CCDC85A: variants seen among roughly 807,000 people sequenced by gnomAD.
CCDC85A encodes the protein coiled-coil domain containing 85A.
Under a neutral mutation model 50.2 loss-of-function variants are expected in CCDC85A, and 38 were observed. The observed-to-expected ratio is 0.76, with a 90% CI of 0.58 to 0.99. The LOEUF (loss-of-function observed/expected upper bound fraction) is 0.99, where lower values mean the gene tolerates loss of function less well. Among genes scored for constraint, CCDC85A ranks in the 50% least tolerant of loss-of-function variants. The probability of loss-of-function intolerance (pLI) is 0.00; values close to 1 mark genes in which losing one functional copy is unlikely to be tolerated. For synonymous variants in CCDC85A, 366 were observed against 301.4 expected (o/e 1.21, Z -2.22); for missense variants, 820 against 742.0 (o/e 1.11, Z -1.22).
intron 2 of CCDC85A, among the ~76,000 whole-genome samples, chr2:56,244,351 C>G (rs1247509947): frequency 6.6e-6 from 1 of 152,096 alleles, no homozygotes; most frequent in Non-Finnish European, 1.5e-5. Context: ...ACCACCACTG[C>G]AGGCCCGTGG....
chr2:56,342,841 C>A (rs1429434939), intron 2 of CCDC85A, 38 bp from the exon 3 acceptor site: 1 of 1,351,098 alleles, frequency 7.4e-7, no homozygotes. Context: ...CAAACAAGAC[C>A]TGTGTGTATA....
At chr2:56,321,905 A>C (rs1052823194) in intron 2 of CCDC85A, among the ~76,000 whole-genome samples, 2 of 152,240 alleles carry the variant, frequency 1.3e-5, no homozygotes, top group Admixed American at 1.3e-4. Context: ...CTACAAGGCT[A>C]CAGTAACCAA....
intron 2 of CCDC85A, among the ~76,000 whole-genome samples, chr2:56,225,016 A>G (rs1573052969): frequency 6.6e-6 from 1 of 152,152 alleles, no homozygotes; most frequent in East Asian, 1.9e-4. Flanking sequence ...TTATGAAGAT[A>G]TATACCTATT....
At position 56,192,426 on chromosome 2, in the gene CCDC85A, C is replaced by T. The variant is rs1676337074; in HGVS notation, c.277-51C>T. On this transcript the variant is annotated intron_variant, in intron 1 of 5. Transcript: ENST00000407595. This position sits in a 1 kb window ranked among gnomAD's most constrained non-coding sequence, Gnocchi z 4.7. ...TCCCTTTCCAGGAAGTCTGAGCCTG[C>T]TGACACCTCAGATGTGTACTTCCCT... 6.5e-7 allele frequency: 1 copy of T among 1,541,238 alleles called. No individual in the cohort carries two copies. The highest frequency in any genetic ancestry group is 8.7e-7 in the Non-Finnish European group (1 of 1,143,928).
chr2:56,367,677 A>G (rs1439657674), intron 3 of CCDC85A, among the ~76,000 whole-genome samples: 1 of 152,154 alleles, frequency 6.6e-6, no homozygotes, highest in Non-Finnish European at 1.5e-5. Flanking sequence ...ATTTTTGCCA[A>G]ATGTTTTCTC....
At chr2:56,356,090 G>T (rs1046857229) in intron 3 of CCDC85A, among the ~76,000 whole-genome samples, 2 of 152,112 alleles carry the variant, frequency 1.3e-5, no homozygotes, top group Non-Finnish European at 2.9e-5. Flanking sequence ...TATAACTACA[G>T]AAATCTCATA....
chr2:56,268,127 T>C (rs1287361723), intron 2 of CCDC85A, among the ~76,000 whole-genome samples: 1 of 152,176 alleles, frequency 6.6e-6, no homozygotes, highest in Non-Finnish European at 1.5e-5. Flanking sequence ...TTACATGAGG[T>C]GTTCAGTTAA....
chr2:56,279,770 A>T (rs552018526), intron 2 of CCDC85A, among the ~76,000 whole-genome samples: 1 of 152,344 alleles, frequency 6.6e-6, no homozygotes, highest in East Asian at 1.9e-4. Context: ...AATAAAAAGA[A>T]TGAAATCTTT....
At chr2:56,188,514 G>T (rs1040061089) in intron 1 of CCDC85A, among the ~76,000 whole-genome samples, 2 of 152,196 alleles carry the variant, frequency 1.3e-5, no homozygotes, top group African/African-American at 4.8e-5. Flanking sequence ...TAGTCAAAGG[G>T]AAGTATTTTC....
At position 56,191,010 on chromosome 2, in the gene CCDC85A, G is replaced by T. The variant is rs191440527; in HGVS notation, c.277-1467G>T. On this transcript the variant is annotated intron_variant, in intron 1 of 5. Transcript: ENST00000407595. ...CTCTCAGACCCCCTTTCCCATGTCC[G>T]TTGACTTGCTCTCTGTTCTTTAGAC... Among the ~76,000 whole-genome samples, 466 of 152,218 alleles carry T rather than the reference G, an allele frequency of 3.1e-3. 3 individuals are homozygous for T. Among genetic ancestry groups the T allele is most frequent in the African/African-American group, 0.011 (441 of 41,544 alleles).
chr2:56,206,483 C>T (rs140355700), intron 2 of CCDC85A, among the ~76,000 whole-genome samples: 337 of 152,176 alleles, frequency 2.2e-3, no homozygotes, highest in African/African-American at 7.6e-3. Flanking sequence ...CTATCCAGGG[C>T]CTTTGTGCTG....
intron 2 of CCDC85A, among the ~76,000 whole-genome samples, chr2:56,200,326 T>G (rs1676683202): frequency 6.6e-6 from 1 of 152,236 alleles, no homozygotes; most frequent in Non-Finnish European, 1.5e-5. Context: ...ATTGAGCATA[T>G]TTGGAAAATA....
In CCDC85A at chr2:56,193,408, C is replaced by T. The variant is rs1338542540; in HGVS notation, c.1208C>T (p.Pro403Leu). 2 of 1,609,740 alleles carry T rather than the reference C, an allele frequency of 1.2e-6. No homozygotes were observed. The highest frequency in any genetic ancestry group is 2.2e-5 in the East Asian group (1 of 44,770). ...LRRQAQEDGS[P>L]HHRNVYSGMN... ...CGGCAGGCACAGGAGGACGGGTCAC[C>T]CCATCACCGGAATGTCTACAGTGGC... is the stretch of plus-strand genomic sequence containing the variant. The change falls in exon 2 of 6, where the codon CCC becomes CTC. Residue 403 changes from proline (P) to leucine (L), a missense_variant. Pro to Leu is a moderately conservative substitution (Grantham distance 98). Transcript: ENST00000407595.
intron 2 of CCDC85A, among the ~76,000 whole-genome samples, chr2:56,329,201 T>C (rs953256536): frequency 6.6e-6 from 1 of 152,232 alleles, no homozygotes; most frequent in African/African-American, 2.4e-5. Flanking sequence ...TCTCAAGTTC[T>C]ATTCTTGCCG....
At chr2:56,339,672 A>G (rs1377296769) in intron 2 of CCDC85A, among the ~76,000 whole-genome samples, 1 of 152,206 alleles carries the variant, frequency 6.6e-6, no homozygotes, top group Non-Finnish European at 1.5e-5. Context: ...AAAAAAGAAA[A>G]TAACTTTATT....
chr2:56,228,324 T>TGTAATA (rs113119031), intron 2 of CCDC85A, among the ~76,000 whole-genome samples: 2 of 148,018 alleles, frequency 1.4e-5, no homozygotes, highest in Non-Finnish European at 3.0e-5. Context: ...AAACTTAAAG[T>TGTAATA]ATAATAATAA....
At chr2:56,332,983 A>G (rs74445413) in intron 2 of CCDC85A, among the ~76,000 whole-genome samples, 1 of 152,202 alleles carries the variant, frequency 6.6e-6, no homozygotes, top group East Asian at 1.9e-4. Context: ...GATTCCTTCA[A>G]TAGAATTTTA....
rs114846283 is a variant in CCDC85A, at chr2:56,193,416, C to A, written c.1216C>A (p.Arg406=). The change falls in exon 2 of 6, where the codon CGG becomes AGG. Residue 406 remains arginine (R), a synonymous_variant. Coordinates refer to ENST00000407595, the MANE Select transcript of CCDC85A (RefSeq NM_001080433.2). The part of the protein sequence containing the change: ...QAQEDGSPHH[R]NVYSGMNEST... ...ACAGGAGGACGGGTCACCCCATCAC[C>A]GGAATGTCTACAGTGGCATGAACGG... The A allele has an allele frequency of 1.2e-6, 2 of 1,608,918 alleles. No individual in the cohort carries two copies. Among genetic ancestry groups the A allele is most frequent in the African/African-American group, 2.7e-5 (2 of 74,984 alleles).
chr2:56,268,590 G>A (rs1226064077), intron 2 of CCDC85A, among the ~76,000 whole-genome samples: 4 of 99,874 alleles, frequency 4.0e-5, no homozygotes, highest in African/African-American at 6.7e-5. Context: ...GCAAGATTCC[G>A]TCTCAAAAAA....
Sources: gnomAD v4.1 joint callset for allele counts (sites outside exome capture counted in the v4.1 genomes callset) on GRCh38, gnomAD v4.1.1 for gene constraint, Gnocchi (gnomAD v3.1) non-coding constraint, MANE v1.5 for transcripts, NCBI Gene and HGNC (gene_info 2026-07-23, HGNC 2026-07-21) for gene names.